FGF14: variants seen among roughly 807,000 people sequenced by gnomAD.
FGF14 encodes fibroblast growth factor homologous factor 4.
Under a neutral mutation model 25.5 loss-of-function variants are expected in FGF14, and 5 were observed. The ratio of observed to expected loss-of-function variants is 0.20; its 90% CI spans 0.10 to 0.41. The LOEUF is 0.41. Ranked by LOEUF, FGF14 falls within the 10% of genes least tolerant of loss-of-function variation. FGF14 has a pLI of 1.00. For missense variants in FGF14, 222 were observed against 320.1 expected (o/e 0.69, Z 2.34); for synonymous variants, 138 against 118.3 (o/e 1.17, Z -1.08).
chr13:101,916,320 C>G (rs2033481990), intron 1 of FGF14, 133 bp downstream of exon 1: 14 of 1,110,604 alleles, frequency 1.3e-5, no homozygotes, highest in Non-Finnish European at 1.9e-5. Context: ...CGACGGCACC[C>G]AGAGTGCTCA....
intron 1 of FGF14, among the ~76,000 whole-genome samples, chr13:102,280,723 G>A (rs886375048): frequency 6.6e-6 from 1 of 152,114 alleles, no homozygotes; most frequent in Admixed American, 6.6e-5. Context: ...ATGAGATAAA[G>A]AAATAAGAAC....
At chr13:102,352,786 T>C (rs1458492041) in intron 1 of FGF14, among the ~76,000 whole-genome samples, 1 of 134,848 alleles carries the variant, frequency 7.4e-6, no homozygotes, top group Non-Finnish European at 1.5e-5. Flanking sequence ...CACTCCAGCC[T>C]GGGCGACAGA....
At chr13:101,887,059 T>A (rs555963652) in intron 1 of FGF14, among the ~76,000 whole-genome samples, 1 of 152,132 alleles carries the variant, frequency 6.6e-6, no homozygotes, top group Admixed American at 6.5e-5. Flanking sequence ...CCGGGGAGGA[T>A]GCAGAGAAAG....
intron 3 of FGF14, among the ~76,000 whole-genome samples, chr13:101,823,344 T>C (rs956199369): frequency 2.0e-5 from 3 of 149,674 alleles, no homozygotes; most frequent in African/African-American, 7.3e-5. Flanking sequence ...TGTATATACA[T>C]ACAAAAAATA....
intron 1 of FGF14, among the ~76,000 whole-genome samples, chr13:102,301,795 T>C (rs2055070708): frequency 6.6e-6 from 1 of 150,442 alleles, no homozygotes; most frequent in African/African-American, 2.4e-5. Context: ...GATCATTCTA[T>C]ACCTCCTTTC....
At chr13:102,005,770 C>G (rs1353186505) in intron 1 of FGF14, among the ~76,000 whole-genome samples, 1 of 152,138 alleles carries the variant, frequency 6.6e-6, no homozygotes, top group Non-Finnish European at 1.5e-5. Context: ...AAATACTATT[C>G]CTGATATAAT....
chr13:102,183,859 G>T (rs2048772742), intron 1 of FGF14, among the ~76,000 whole-genome samples: 2 of 152,172 alleles, frequency 1.3e-5, no homozygotes. Flanking sequence ...CTAGGGCTCA[G>T]ATGTAAAATA....
intron 1 of FGF14, among the ~76,000 whole-genome samples, chr13:102,116,970 C>G (rs557590335): frequency 6.6e-6 from 1 of 152,262 alleles, no homozygotes; most frequent in African/African-American, 2.4e-5. Context: ...AGAATGCAGT[C>G]TACCCCTCAC....
At chr13:102,109,262 G>A (rs1325685826) in intron 1 of FGF14, among the ~76,000 whole-genome samples, 1 of 152,160 alleles carries the variant, frequency 6.6e-6, no homozygotes, top group Non-Finnish European at 1.5e-5. Flanking sequence ...ACCAGGGATT[G>A]GCTGGGGGGT....
chr13:102,215,559 G>A (rs1566826140), intron 1 of FGF14, among the ~76,000 whole-genome samples: 1 of 152,086 alleles, frequency 6.6e-6, no homozygotes, highest in Non-Finnish European at 1.5e-5. Context: ...CCTGCATCAA[G>A]CCTTTCTAAT....
At chr13:102,069,393 A>C (rs1457413471) in intron 1 of FGF14, among the ~76,000 whole-genome samples, 4 of 152,210 alleles carry the variant, frequency 2.6e-5, no homozygotes, top group African/African-American at 7.2e-5. Context: ...AGATAAGAGA[A>C]TAAAAGGAGG....
intron 1 of FGF14, among the ~76,000 whole-genome samples, chr13:102,382,230 A>G (rs934879535): frequency 5.3e-5 from 8 of 152,144 alleles, no homozygotes; most frequent in African/African-American, 1.4e-4. Flanking sequence ...CTTCTAAATC[A>G]TATACCTGAT....
intron 1 of FGF14, among the ~76,000 whole-genome samples, chr13:102,347,279 C>T (rs981255471): frequency 5.9e-5 from 9 of 152,066 alleles, no homozygotes; most frequent in Admixed American, 1.3e-4. Context: ...CAATCACTGC[C>T]CTCAGAGAAC....
At position 101,984,137 on chromosome 13, in the gene FGF14, A is replaced by T. The variant is rs145998086; in HGVS notation, c.209-108841T>A. On this transcript the variant is annotated intron_variant, in intron 1 of 4. Transcript: ENST00000376131. Reference sequence around the variant, plus strand: ...GAACTAAACAAGATGATGTAGGTAAAGTAACTGCTATGGAATATGCGCTCG... The same window carrying T: ...GAACTAAACAAGATGATGTAGGTAATGTAACTGCTATGGAATATGCGCTCG... 2.2e-4 allele frequency among the ~76,000 whole-genome samples: 34 copies of T among 152,138 alleles called. No homozygotes were observed. In the Middle Eastern group the frequency reaches 0.014, roughly 61 times the overall value.
intron 1 of FGF14, among the ~76,000 whole-genome samples, chr13:102,101,983 G>A (rs1374349807): frequency 2.0e-5 from 3 of 152,234 alleles, no homozygotes; most frequent in Middle Eastern, 3.4e-3. Context: ...GATTACAGGC[G>A]TGAGCCACCA....
chr13:101,989,834 C>T (rs1241095684), intron 1 of FGF14, among the ~76,000 whole-genome samples: 2 of 152,076 alleles, frequency 1.3e-5, no homozygotes, highest in East Asian at 3.9e-4. Context: ...AGAGACTTCA[C>T]TTAACTTATT....
intron 1 of FGF14, among the ~76,000 whole-genome samples, chr13:102,390,437 A>C (rs2058406027): frequency 6.6e-6 from 1 of 152,354 alleles, no homozygotes; most frequent in Non-Finnish European, 1.5e-5. Context: ...ATTCACAAAA[A>C]CATTAGGAGA....
chr13:101,822,207 A>G (rs928142889), intron 3 of FGF14, among the ~76,000 whole-genome samples: 2 of 151,894 alleles, frequency 1.3e-5, no homozygotes, highest in Non-Finnish European at 2.9e-5. Flanking sequence ...TATGGCTCCC[A>G]CTCCCTTCTT....
chr13:102,045,208 G>C (rs370895172), intron 1 of FGF14, among the ~76,000 whole-genome samples: 61 of 152,054 alleles, frequency 4.0e-4, no homozygotes, highest in African/African-American at 1.3e-3. Flanking sequence ...GGTAGACTAA[G>C]TATGTCACAT....
Sources: allele counts gnomAD v4.1 joint callset (sites outside exome capture counted in the v4.1 genomes callset), GRCh38; gene constraint gnomAD v4.1.1; transcripts MANE v1.5; gene names NCBI Gene and HGNC (gene_info 2026-07-23, HGNC 2026-07-21).